MCPH1: variants seen among roughly 807,000 people sequenced by gnomAD.
The protein encoded by MCPH1 is microcephalin 1.
Under a neutral mutation model 84.5 loss-of-function variants are expected in MCPH1, and 104 were observed. The ratio of observed to expected loss-of-function variants is 1.23; its 90% confidence interval spans 1.05 to 1.45. The LOEUF is 1.45. MCPH1 is among the 40% of genes most tolerant of loss of function. MCPH1 has a pLI of 0.00. For missense variants in MCPH1, 1,498 were observed against 1,005.7 expected (o/e 1.49, Z -6.62); for synonymous variants, 514 against 366.8 (o/e 1.40, Z -4.58).
chr8:6,568,234 CGTGG>C (rs1826365495), intron 12 of MCPH1, among the ~76,000 whole-genome samples: 2 of 140,034 alleles, frequency 1.4e-5, no homozygotes, highest in African/African-American at 6.3e-5. Context: ...GTGGGTGGCG[CGTGG>C]ACCCATCGCT....
intron 12 of MCPH1, among the ~76,000 whole-genome samples, chr8:6,572,814 T>TG (rs372527413): frequency 5.4e-4 from 82 of 152,358 alleles, no homozygotes; most frequent in African/African-American, 1.8e-3. Flanking sequence ...GCACAAGCAC[T>TG]GCTGCCTAAG....
chr8:6,598,170 C>T (rs962878506), intron 12 of MCPH1, among the ~76,000 whole-genome samples: 2 of 152,170 alleles, frequency 1.3e-5, no homozygotes, highest in Admixed American at 1.3e-4. Flanking sequence ...GAGGCAAAGG[C>T]GGTCAATCAG....
At chr8:6,519,899 T>G in intron 12 of MCPH1, 1 of 1,614,084 alleles carries the variant, frequency 6.2e-7, no homozygotes, top group Non-Finnish European at 8.5e-7. Context: ...AATGTTAACG[T>G]GTAGATGCCA....
intron 12 of MCPH1, among the ~76,000 whole-genome samples, chr8:6,611,116 TCTCACACACACA>T (rs1586792115): frequency 1.4e-5 from 2 of 140,616 alleles, no homozygotes; most frequent in South Asian, 4.3e-4. Context: ...ACACACACTC[TCTCACACACACA>T]CTCACACACA....
intron 12 of MCPH1, among the ~76,000 whole-genome samples, chr8:6,547,275 C>T (rs1359208766): frequency 6.6e-6 from 1 of 152,082 alleles, no homozygotes; most frequent in East Asian, 1.9e-4. Context: ...GTGTGATTCT[C>T]CAAATGCTTG....
intron 13 of MCPH1, among the ~76,000 whole-genome samples, chr8:6,629,470 AAAAAT>A (rs1264918796): frequency 7.4e-4 from 112 of 152,320 alleles, no homozygotes; most frequent in African/African-American, 2.5e-3. Context: ...TCAAAAAAAT[AAAAAT>A]AAAATAAAGG....
At chr8:6,532,574 TAAAAA>T in intron 12 of MCPH1, 5 of 589,538 alleles carry the variant, frequency 8.5e-6, no homozygotes, top group Non-Finnish European at 1.2e-5. Context: ...TCCCTATCTT[TAAAAA>T]AAAAAAAAAA....
At position 6,508,688 on chromosome 8, in the gene MCPH1, G is replaced by T. The variant is rs532624065; in HGVS notation, c.2214+8759G>T. 194 of 603,102 alleles carry T rather than the reference G, an allele frequency of 3.2e-4. No homozygotes were observed. In the African/African-American group the frequency reaches 3.5e-3, roughly 11 times the overall value. 37.4% of individuals were successfully genotyped at this position (603,102 alleles called of 1,614,324 possible). A position where few individuals can be genotyped will look rare whatever the true frequency, so the allele number is the denominator to read the frequency against. On this transcript the variant is annotated intron_variant, in intron 12 of 13. Coordinates refer to ENST00000344683, the MANE Select transcript of MCPH1 (RefSeq NM_024596.5). ...TAAGAATCAAATATCCCCTCTCCTT[G>T]CCAGGGCTAGGTCCTGAGGAGACAC... is the stretch of plus-strand genomic sequence containing the variant.
intron 3 of MCPH1, among the ~76,000 whole-genome samples, chr8:6,427,918 G>C (rs905697712): frequency 6.6e-6 from 1 of 151,428 alleles, no homozygotes; most frequent in Admixed American, 6.6e-5. Context: ...TCAGCCTCCT[G>C]AGTAGCTGGA....
At chr8:6,513,179 G>A (rs1236455497) in intron 12 of MCPH1, among the ~76,000 whole-genome samples, 1 of 152,188 alleles carries the variant, frequency 6.6e-6, no homozygotes, top group Admixed American at 6.5e-5. Context: ...CTGTTTGTAT[G>A]AAGTTTCTTT....
intron 12 of MCPH1, among the ~76,000 whole-genome samples, chr8:6,522,691 T>C (rs1488969457): frequency 6.7e-6 from 1 of 150,072 alleles, no homozygotes; most frequent in Non-Finnish European, 1.5e-5. Flanking sequence ...GGAGAACTGC[T>C]TGAACCCGGG....
chr8:6,561,099 G>C (rs1379833905), intron 12 of MCPH1, among the ~76,000 whole-genome samples: 1 of 152,196 alleles, frequency 6.6e-6, no homozygotes, highest in East Asian at 1.9e-4. Context: ...GATATAGTTT[G>C]CCTTCCACAT....
At chr8:6,453,162 A>C (rs985122473) in intron 8 of MCPH1, among the ~76,000 whole-genome samples, 6 of 152,190 alleles carry the variant, frequency 3.9e-5, no homozygotes, top group African/African-American at 1.4e-4. Flanking sequence ...AGAGGAGGGT[A>C]GGTGTTTGTT....
At chr8:6,581,789 T>C (rs1827586001) in intron 12 of MCPH1, among the ~76,000 whole-genome samples, 1 of 152,188 alleles carries the variant, frequency 6.6e-6, no homozygotes, top group Non-Finnish European at 1.5e-5. Flanking sequence ...TTTCTCACAG[T>C]TCTGGAGGCT....
At chr8:6,421,403 G>A (rs1800173782) in intron 3 of MCPH1, among the ~76,000 whole-genome samples, 1 of 152,048 alleles carries the variant, frequency 6.6e-6, no homozygotes, top group Non-Finnish European at 1.5e-5. Context: ...TCAACACATG[G>A]ATCAGCTTTA....
chr8:6,411,681 A>G (rs1408536080), intron 2 of MCPH1, among the ~76,000 whole-genome samples: 14 of 152,246 alleles, frequency 9.2e-5, no homozygotes, highest in Admixed American at 9.2e-4. Flanking sequence ...ATACATTGCT[A>G]CAATTACCCT....
intron 12 of MCPH1, among the ~76,000 whole-genome samples, chr8:6,579,294 C>T (rs1222986699): frequency 1.3e-5 from 2 of 152,174 alleles, no homozygotes; most frequent in Admixed American, 6.5e-5. Flanking sequence ...CCCCCTTTCC[C>T]GGTCCCCTTC....
chr8:6,571,442 C>G (rs2922845), intron 12 of MCPH1, among the ~76,000 whole-genome samples: 41,551 of 152,002 alleles, frequency 0.27, 8,040 homozygotes, highest in African/African-American at 0.55. Context: ...AGATCTCAAA[C>G]TCCGTTGCTT....
intron 12 of MCPH1, among the ~76,000 whole-genome samples, chr8:6,611,921 C>T (rs1007151617): frequency 6.6e-6 from 1 of 152,144 alleles, no homozygotes; most frequent in Non-Finnish European, 1.5e-5. Flanking sequence ...CCCGGCCTGA[C>T]GTCGGGATTT....
Sources: gnomAD v4.1 joint callset for allele counts (sites outside exome capture counted in the v4.1 genomes callset) on GRCh38, gnomAD v4.1.1 for gene constraint, MANE v1.5 for transcripts, NCBI Gene and HGNC (gene_info 2026-07-23, HGNC 2026-07-21) for gene names.